Variants in ADAM33 observed in about 807,000 individuals in gnomAD.
ADAM33 encodes ADAM metallopeptidase domain 33, also known as disintegrin and metalloproteinase domain-containing protein 33.
In ADAM33, 103 loss-of-function variants were observed where a neutral mutation model predicts 106.2. That is an observed-to-expected ratio of 0.97 (90% confidence interval 0.83 to 1.14). The LOEUF is 1.14. ADAM33 is among the 50% of genes most tolerant of loss of function. ADAM33 has a pLI of 0.00. For synonymous variants in ADAM33, 483 were observed against 453.0 expected, an observed-to-expected ratio of 1.07 and a Z score of -0.84; for missense variants, 1,120 against 1,096.6, an observed-to-expected ratio of 1.02 and a Z score of -0.30.
intron 2 of ADAM33, 93 bp downstream of exon 2, chr20:3,679,399 A>G: frequency 2.2e-6 from 3 of 1,345,826 alleles, no homozygotes; most frequent in Middle Eastern, 1.8e-4. Flanking sequence ...GGTTCTGGGG[A>G]CCCCAGCAAA....
intron 1 of ADAM33, among the ~76,000 whole-genome samples, chr20:3,680,532 C>T (rs765456039): frequency 2.6e-5 from 4 of 152,168 alleles, no homozygotes; most frequent in Non-Finnish European, 5.9e-5. Context: ...AAGAAGCCCT[C>T]CTTGATTGGA....
rs2087783893 is a variant in ADAM33 at position 3,674,251 on chromosome 20, G to A, written c.634C>T (p.Leu212=). 6.2e-7 allele frequency: 1 copy of A among 1,614,004 alleles called. No individual in the cohort carries two copies. The highest frequency in any genetic ancestry group is 1.3e-5 in the African/African-American group (1 of 75,046). The change falls in exon 7 of 22, where the codon CTG becomes TTG. Residue 212 remains leucine (L), a synonymous_variant. Transcript: ENST00000356518. ...TGGTCTGCCACAATGTACAGTTCCA[G>A]GTACTTCCGGGTCCTGCGCGCTTCT... ...RREARRTRKY[L]ELYIVADHTL...
intron 8 of ADAM33, 31 bp from the exon 9 acceptor site, chr20:3,673,942 AG>A: frequency 6.4e-7 from 1 of 1,574,526 alleles, no homozygotes; most frequent in Non-Finnish European, 8.6e-7. Context: ...AAGCCGGGAC[AG>A]GGCGCCCCAT....
In ADAM33 at chr20:3,669,544, ACCCAGGGGCCAGGGCTGTCCAGTGG is replaced by A; in HGVS notation, c.2309_2332+1del. 1 of 1,581,998 alleles carries A rather than the reference ACCCAGGGGCCAGGGCTGTCCAGTGG, an allele frequency of 6.3e-7. No homozygotes were observed. Among genetic ancestry groups the A allele is most frequent in the South Asian group, 1.2e-5 (1 of 86,224 alleles). On this transcript the variant is annotated splice_donor_variant and coding_sequence_variant, in exon 20 of 22. Transcript: ENST00000356518. LOFTEE classifies it high-confidence loss of function. ...TCCACCTCCCCCTGGTGCCTCACTC[ACCCAGGGGCCAGGGCTGTCCAGTGG>A]CTGTGGGGCCCAACTCCATGGGGTG...
chr20:3,672,363 A>G (rs568797571), intron 13 of ADAM33, 34 bp from the exon 14 acceptor site: 1 of 1,605,444 alleles, frequency 6.2e-7, no homozygotes, highest in African/African-American at 1.3e-5. Flanking sequence ...GAAGGCAGAG[A>G]GAGGCCACGT....
chr20:3,673,526 G>A (rs745338908), intron 10 of ADAM33, 30 bp from the exon 11 acceptor site: 170 of 1,457,974 alleles, frequency 1.2e-4, no homozygotes, highest in Non-Finnish European at 1.5e-4. Flanking sequence ...CGGTCACTGC[G>A]GCCGTAGAGC....
Position 3,674,650 on chromosome 20 carries a change from G to A in ADAM33, c.454C>T (p.Pro152Ser). 6.2e-7 allele frequency: 1 copy of A among 1,612,246 alleles called. No homozygotes were observed. ...LSRNASYYLRPWPPRGSKDFS... is the reference protein window; with the variant it reads ...LSRNASYYLRSWPPRGSKDFS... ...TCCTTGGAGCCCCGGGGTGGCCAGG[G>A]ACGCAGATAATAGCTGGCATTCCTG... The change falls in exon 6 of 22, where the codon CCC becomes TCC. Residue 152 changes from proline to serine, a missense_variant. By Grantham distance (74) the Pro-to-Ser change is moderately conservative. Coordinates refer to ENST00000356518, the MANE Select transcript of ADAM33 (RefSeq NM_025220.5).
At chr20:3,673,199 T>C in intron 11 of ADAM33, 155 bp downstream of exon 11, 1 of 1,526,704 alleles carries the variant, frequency 6.6e-7, no homozygotes, top group Non-Finnish European at 8.8e-7. Context: ...CCTGAGCTTC[T>C]TCCCTTTAAG....
rs2087531207 is a variant in ADAM33 at position 3,671,506 on chromosome 20, G to A, written c.1906-10C>T. On this transcript the variant is annotated splice_polypyrimidine_tract_variant and intron_variant, in intron 16 of 21. Coordinates refer to ENST00000356518, the MANE Select transcript of ADAM33 (RefSeq NM_025220.5). ...GCCTGCTCTGGCACACCTACGGGCA[G>A]TGCACCAGGCAGTGAGGGGGACACT... The A allele has an allele frequency of 1.2e-6, 2 of 1,610,216 alleles. No homozygotes were observed. The highest frequency in any genetic ancestry group is 1.7e-6 in the Non-Finnish European group (2 of 1,177,612).
In ADAM33 at chr20:3,672,500, C is replaced by A. The variant is rs55880335; in HGVS notation, c.1401+37G>T. The A allele has an allele frequency of 3.1e-6, 5 of 1,602,458 alleles. No individual in the cohort carries two copies. The Admixed American group carries it at 8.4e-5, about 27-fold the overall frequency. On this transcript the variant is annotated intron_variant, in intron 13 of 21. Transcript: ENST00000356518. ...AGGCCAACAGGCCGGCTCCCAAGCT[C>A]CCCGAAACCCTCACCCTGAACCTTC...
At chr20:3,681,011 G>A (rs2088445295) in intron 1 of ADAM33, among the ~76,000 whole-genome samples, 1 of 152,150 alleles carries the variant, frequency 6.6e-6, no homozygotes, top group South Asian at 2.1e-4. Flanking sequence ...AGAGGGGAGG[G>A]AGCAGTGGAC....
Position 3,674,771 on chromosome 20 carries a change from A to G in ADAM33, c.410+2T>C. On this transcript the variant is annotated splice_donor_variant, in intron 5 of 21. Coordinates refer to ENST00000356518, the MANE Select transcript of ADAM33 (RefSeq NM_025220.5). LOFTEE classifies it high-confidence loss of function. ...GGCCCAGCCTCCTCTCCCAGAGCTC[A>G]CCTCATCCCAGAGCAGGTGCAGAGG... The G allele has an allele frequency of 6.2e-7, 1 of 1,604,958 alleles. No homozygotes were observed. The highest frequency in any genetic ancestry group is 1.1e-5 in the South Asian group (1 of 89,604).
In ADAM33 at chr20:3,671,050, C is replaced by T; in HGVS notation, c.2196G>A (p.Leu732=). ...TTCTGCAGCCCCAGCTGCATCGCTG[C>T]AGATGGGCTCCTGGGAGTCGGTAGC... The part of the protein sequence containing the change: ...WCCYRLPGAH[L]QRCSWGCRRD... Residue 732 remains leucine, a synonymous_variant, in exon 19 of 22, where the codon CTG becomes CTA. Transcript: ENST00000356518. The T allele has an allele frequency of 6.4e-7, 1 of 1,563,720 alleles. No homozygotes were observed. Among genetic ancestry groups the T allele is most frequent in the South Asian group, 1.2e-5 (1 of 85,392 alleles).
At chr20:3,676,982 T>C in intron 3 of ADAM33, 85 bp downstream of exon 3, 1 of 1,448,572 alleles carries the variant, frequency 6.9e-7, no homozygotes. Flanking sequence ...CCTCTGCCCA[T>C]CCAGCCACCC....
At position 3,680,963 on chromosome 20, in the gene ADAM33, G is replaced by C. The variant is rs563266993; in HGVS notation, c.97+945C>G. 4.7e-3 allele frequency among the ~76,000 whole-genome samples: 715 copies of C among 152,270 alleles called. 3 individuals carry two copies. The highest frequency in any genetic ancestry group is 0.017 in the African/African-American group (693 of 41,558). ...TGGGCACATAGACGCCCCTCTCCCAGGGGTCCCATCACCTCCCCTGACCCC... is the reference window on the plus strand; with the variant it reads ...TGGGCACATAGACGCCCCTCTCCCACGGGTCCCATCACCTCCCCTGACCCC... On this transcript the variant is annotated intron_variant, in intron 1 of 21. Transcript: ENST00000356518.
intron 3 of ADAM33, 26 bp downstream of exon 3, chr20:3,677,041 C>A (rs774151092): frequency 6.2e-7 from 1 of 1,610,894 alleles, no homozygotes; most frequent in South Asian, 1.1e-5. Context: ...CCCCTCCTCC[C>A]AGCCCTACCC....
intron 1 of ADAM33, 76 bp from the exon 2 acceptor site, chr20:3,679,647 G>A (rs2088302652): frequency 5.2e-6 from 7 of 1,336,734 alleles, no homozygotes; most frequent in South Asian, 1.3e-5. Flanking sequence ...AGGGAGGGGG[G>A]TAGAGGACAT....
chr20:3,672,830 C>T lies in ADAM33; in HGVS notation c.1202G>A (p.Gly401Asp), dbSNP rs1289160601. The T allele has an allele frequency of 1.0e-5, 16 of 1,576,014 alleles. No individual in the cohort carries two copies. Among genetic ancestry groups the T allele is most frequent in the Non-Finnish European group, 1.4e-5 (16 of 1,167,828 alleles). Reference protein sequence around the residue: ...RQLRAFFRKGGGACLSNAPDP... With the variant: ...RQLRAFFRKGDGACLSNAPDP... ...CGGGGCATTGGAGAGGCAAGCGCCG[C>T]CCCCCTTGCGGAAGAAGGCGCGCAG... is the stretch of plus-strand genomic sequence containing the variant. The change falls in exon 12 of 22, where the codon GGC (glycine) becomes GAC (aspartate). Residue 401 changes from glycine to aspartate, a missense_variant. By Grantham distance (94) the Gly-to-Asp change is moderately conservative. Transcript: ENST00000356518.
chr20:3,679,565 A>T lies in ADAM33; in HGVS notation c.104T>A (p.Ile35Asn). 1.9e-6 allele frequency: 3 copies of T among 1,608,076 alleles called. No individual in the cohort carries two copies. Among genetic ancestry groups the T allele is most frequent in the South Asian group, 2.2e-5 (2 of 89,634 alleles). Residue 35 changes from isoleucine (I) to asparagine (N), a missense_variant, in exon 2 of 22, where the codon ATC becomes AAC. By Grantham distance (149) the Ile-to-Asn change is moderately radical. Coordinates refer to ENST00000356518, the MANE Select transcript of ADAM33 (RefSeq NM_025220.5). ...VPGAGVLQGH[I>N]PGQPVTPHWV... is the part of the protein sequence containing the mutation. The stretch of plus-strand genomic sequence containing the variant: ...GTGCGGGGTGACTGGCTGCCCAGGG[A>T]TATGTCCTGGAGTAAAGACAGAGCA...
Sources: gnomAD v4.1 joint callset for allele counts (sites outside exome capture counted in the v4.1 genomes callset) on GRCh38, gnomAD v4.1.1 for gene constraint, MANE v1.5 for transcripts, NCBI Gene and HGNC (gene_info 2026-07-23, HGNC 2026-07-21) for gene names.